Variants in RANBP17 observed in about 807,000 individuals in gnomAD.
The protein encoded by RANBP17 is ran-binding protein 17.
A neutral mutation model predicts 141.2 loss-of-function variants in RANBP17; 158 were observed. The ratio of observed to expected loss-of-function variants is 1.12; its 90% CI spans 0.98 to 1.28. The LOEUF is 1.28. Ranked by LOEUF, RANBP17 falls within the 50% of genes most tolerant of loss-of-function variation. The probability of loss-of-function intolerance (pLI) is 0.00; values close to 1 mark genes in which losing one functional copy is unlikely to be tolerated. For synonymous variants in RANBP17, 430 were observed against 450.0 expected (o/e 0.96, Z 0.56); for missense variants, 1,438 against 1,290.7 (o/e 1.11, Z -1.75).
At chr5:170,966,270 T>A (rs62393887) in intron 13 of RANBP17, among the ~76,000 whole-genome samples, 1 of 152,088 alleles carries the variant, frequency 6.6e-6, no homozygotes, top group Non-Finnish European at 1.5e-5. Flanking sequence ...ATATCCTTGA[T>A]GAACATTGAT....
chr5:171,108,384 A>G (rs1161579078), intron 14 of RANBP17, among the ~76,000 whole-genome samples: 34 of 152,166 alleles, frequency 2.2e-4, no homozygotes, highest in Admixed American at 2.2e-3. Flanking sequence ...AAGTCTAAAA[A>G]ATTAAAGTTC....
chr5:171,139,896 C>A (rs1316479692), intron 14 of RANBP17, among the ~76,000 whole-genome samples: 2 of 152,204 alleles, frequency 1.3e-5, no homozygotes, highest in Non-Finnish European at 2.9e-5. Context: ...GTGGCCCTTA[C>A]TGGCCTAGCC....
chr5:170,946,967 A>G (rs571756309), intron 12 of RANBP17, among the ~76,000 whole-genome samples: 2 of 152,284 alleles, frequency 1.3e-5, no homozygotes, highest in East Asian at 1.9e-4. Flanking sequence ...AAACATGTGT[A>G]CTGGACAACT....
chr5:170,865,490 T>C (rs964488892), intron 1 of RANBP17, among the ~76,000 whole-genome samples: 3 of 152,180 alleles, frequency 2.0e-5, no homozygotes, highest in Non-Finnish European at 4.4e-5. Context: ...AATCGAACCA[T>C]GACATTTCTA....
At chr5:170,921,189 G>A (rs1464200124) in intron 11 of RANBP17, among the ~76,000 whole-genome samples, 8 of 152,128 alleles carry the variant, frequency 5.3e-5, no homozygotes, top group African/African-American at 1.9e-4. Context: ...GAATGGTATT[G>A]ACTAGGTTTT....
chr5:170,892,308 C>T (rs1378837145), intron 3 of RANBP17, 79 bp from the exon 4 acceptor site: 1 of 734,196 alleles, frequency 1.4e-6, no homozygotes, highest in Non-Finnish European at 2.1e-6. Flanking sequence ...TCCCCCACCC[C>T]CACCTCTCTT....
At chr5:171,207,259 A>G (rs1010372395) in intron 20 of RANBP17, 1 of 152,504 alleles carries the variant, frequency 6.6e-6, no homozygotes, top group African/African-American at 2.4e-5. Context: ...CCAGTCTACA[A>G]CTCTAGGCTA....
chr5:171,270,053 T>C (rs1402996965), intron 25 of RANBP17, among the ~76,000 whole-genome samples: 1 of 152,204 alleles, frequency 6.6e-6, no homozygotes, highest in Non-Finnish European at 1.5e-5. Flanking sequence ...AAAAGTTATC[T>C]CCTCAAGCTT....
At position 170,884,961 on chromosome 5, in the gene RANBP17, T is replaced by C. The variant is rs75139034; in HGVS notation, c.256+3065T>C. 1.4e-3 allele frequency among the ~76,000 whole-genome samples: 214 copies of C among 152,232 alleles called. 5 individuals carry two copies. In the East Asian group the frequency reaches 0.037, roughly 26 times the overall value. On this transcript the variant is annotated intron_variant, in intron 3 of 27. Coordinates refer to ENST00000523189, the MANE Select transcript of RANBP17 (RefSeq NM_022897.5). ...GTTAGATTCCCTAGTAGGTGTAGGT[T>C]TCTCCCTTGTGTAAAACTTAGCAAT...
intron 12 of RANBP17, among the ~76,000 whole-genome samples, chr5:170,933,021 G>C (rs1363126962): frequency 2.0e-5 from 3 of 152,146 alleles, no homozygotes; most frequent in African/African-American, 4.8e-5. Flanking sequence ...GTAGAATTCG[G>C]CTGTGAATCC....
chr5:171,256,915 A>T lies in RANBP17; in HGVS notation c.2777-8766A>T, dbSNP rs113917607. On this transcript the variant is annotated intron_variant, in intron 24 of 27. Coordinates refer to ENST00000523189, the MANE Select transcript of RANBP17 (RefSeq NM_022897.5). ...ACTAGTGAGATCAAATCAGTAATTT[A>T]AAAAAAAAAAATCCCAGCAAAAAAA... 5.8e-3 allele frequency among the ~76,000 whole-genome samples: 847 copies of T among 146,734 alleles called. 14 individuals are homozygous for T. Among genetic ancestry groups the T allele is most frequent in the South Asian group, 0.039 (185 of 4,684 alleles).
intron 14 of RANBP17, among the ~76,000 whole-genome samples, chr5:170,976,016 C>T (rs1777350315): frequency 6.6e-6 from 1 of 150,702 alleles, no homozygotes; most frequent in Admixed American, 6.6e-5. Context: ...AACAAAAAGG[C>T]ATCCAGATTT....
chr5:170,911,352 A>G (rs1771511365), intron 7 of RANBP17: 1 of 572,244 alleles, frequency 1.7e-6, no homozygotes, highest in African/African-American at 1.9e-5. Flanking sequence ...AGAAAAAACA[A>G]GGACTGCACT....
intron 14 of RANBP17, among the ~76,000 whole-genome samples, chr5:171,054,034 C>G (rs1164046854): frequency 6.6e-6 from 1 of 151,090 alleles, no homozygotes; most frequent in Non-Finnish European, 1.5e-5. Flanking sequence ...TACTTAAAAT[C>G]TATGTATTCT....
At chr5:171,168,812 T>G (rs1759894211) in intron 14 of RANBP17, among the ~76,000 whole-genome samples, 1 of 152,040 alleles carries the variant, frequency 6.6e-6, no homozygotes, top group African/African-American at 2.4e-5. Context: ...CAGCAGGAAT[T>G]TGAATCTCAG....
chr5:171,134,594 T>C (rs1757145240), intron 14 of RANBP17, among the ~76,000 whole-genome samples: 2 of 152,202 alleles, frequency 1.3e-5, no homozygotes, highest in Non-Finnish European at 2.9e-5. Flanking sequence ...TAAATATTGC[T>C]CTTGCACACT....
At chr5:170,965,582 G>A (rs1281161892) in intron 13 of RANBP17, among the ~76,000 whole-genome samples, 5 of 152,114 alleles carry the variant, frequency 3.3e-5, no homozygotes, top group African/African-American at 4.8e-5. Context: ...TGTATAAGGT[G>A]TAAGGAAGGG....
At chr5:171,155,094 A>AATATATATAT (rs1554106866) in intron 14 of RANBP17, among the ~76,000 whole-genome samples, 25 of 74,964 alleles carry the variant, frequency 3.3e-4, no homozygotes, top group Non-Finnish European at 5.2e-4. Context: ...AAAAAAAAAA[A>AATATATATAT]ATATATATAT....
chr5:171,090,926 T>C (rs1292412011), intron 14 of RANBP17, among the ~76,000 whole-genome samples: 1 of 152,148 alleles, frequency 6.6e-6, no homozygotes, highest in East Asian at 1.9e-4. Context: ...CAGGTAAAAT[T>C]TTGCTGCAGG....
Sources: allele counts gnomAD v4.1 joint callset (sites outside exome capture counted in the v4.1 genomes callset), GRCh38; gene constraint gnomAD v4.1.1; transcripts MANE v1.5; gene names NCBI Gene and HGNC (gene_info 2026-07-23, HGNC 2026-07-21).